CMTM1: variants seen among roughly 807,000 people sequenced by gnomAD.
CMTM1 encodes CKLF like MARVEL transmembrane domain containing 1.
CMTM1 carries 16 observed loss-of-function variants against 17.8 expected under a neutral mutation model. The observed-to-expected ratio is 0.90, with a 90% CI of 0.61 to 1.37. CMTM1 has a LOEUF of 1.37. Among genes scored for constraint, CMTM1 ranks in the 40% most tolerant of loss-of-function variants. The pLI is 0.00. For missense variants in CMTM1, 354 were observed against 375.6 expected (o/e 0.94, Z 0.47); for synonymous variants, 169 against 154.6 (o/e 1.09, Z -0.69).
At position 66,577,301 on chromosome 16, in the gene CMTM1, C is replaced by G. The variant is rs1597181673; in HGVS notation, c.690+99C>G. On this transcript the variant is annotated intron_variant, in intron 3 of 3. Coordinates refer to ENST00000379500, the MANE Select transcript of CMTM1 (RefSeq NM_052999.4). ...ATTATATCATTAACCAAGCAAAATC[C>G]CCACTGCCACCCACTCTCCTTCTTG... The G allele has an allele frequency of 3.8e-6, 3 of 793,138 alleles. No homozygotes were observed. In the East Asian group the frequency reaches 8.0e-5, roughly 21 times the overall value. The allele number at this position is 793,138 out of a possible 1,614,324, so 49.1% of individuals were successfully genotyped here.
intron 2 of CMTM1, among the ~76,000 whole-genome samples, chr16:66,573,564 AAAAC>A (rs558267537): frequency 2.6e-5 from 4 of 152,204 alleles, no homozygotes; most frequent in Admixed American, 6.5e-5. Flanking sequence ...ATTTTAAACT[AAAAC>A]AAAAAATGAA....
chr16:66,569,324 G>A (rs570019380), intron 1 of CMTM1, among the ~76,000 whole-genome samples: 333 of 152,302 alleles, frequency 2.2e-3, no homozygotes, highest in Admixed American at 3.8e-3. Flanking sequence ...ACAAACATGG[G>A]AGACATAAAC....
Position 66,577,207 on chromosome 16 carries a change from G to A in CMTM1, c.690+5G>A. On this transcript the variant is annotated splice_donor_5th_base_variant and intron_variant, in intron 3 of 3. Coordinates refer to ENST00000379500, the MANE Select transcript of CMTM1 (RefSeq NM_052999.4). ...CATTTACTCTATGTCGGGGGGGTAA[G>A]TAGAGGCCTTCATGACTCCATTTAA... 1 of 1,609,754 alleles carries A rather than the reference G, an allele frequency of 6.2e-7. No homozygotes were observed.
chr16:66,577,757 C>G (rs2014425115), intron 3 of CMTM1, among the ~76,000 whole-genome samples: 1 of 152,190 alleles, frequency 6.6e-6, no homozygotes, highest in Non-Finnish European at 1.5e-5. Flanking sequence ...AAATACCTTG[C>G]TCTGGGCCAC....
intron 1 of CMTM1, chr16:66,567,340 T>TG (rs2012699082): frequency 3.1e-6 from 1 of 322,200 alleles, no homozygotes; most frequent in African/African-American, 2.2e-5. Flanking sequence ...CAGTGTGTGA[T>TG]GTTCCCCTCC....
rs1166560704 is a variant in CMTM1, at chr16:66,577,172, G to A, written c.660G>A (p.Lys220=). The change falls in exon 3 of 4, where the codon AAG becomes AAA. Residue 220 remains lysine (K), a synonymous_variant. Transcript: ENST00000379500. ...TTGCCATCTTGGCCATGCAAGAAAAGAAAAGAAGGCATTTACTCTATGTCG... is the reference window on the plus strand; with the variant it reads ...TTGCCATCTTGGCCATGCAAGAAAAAAAAAGAAGGCATTTACTCTATGTCG... ...SVVAILAMQE[K]KRRHLLYVGG... 1.9e-6 allele frequency: 3 copies of A among 1,613,930 alleles called. No individual in the cohort carries two copies. The South Asian group carries it at 3.3e-5, about 18-fold the overall frequency.
chr16:66,577,066 GT>G, intron 2 of CMTM1, 37 bp from the exon 3 acceptor site: 1 of 1,561,550 alleles, frequency 6.4e-7, no homozygotes, highest in Non-Finnish European at 8.8e-7. Flanking sequence ...AAATTATATT[GT>G]TGTGTAAACT....
chr16:66,566,988 G>A lies in CMTM1; in HGVS notation c.432+43G>A, dbSNP rs181552082. ...GAGACCTAGCTGGGCGGATGTGGCC[G>A]GCAGTGGCCTCGGGGAAATGCCCAC... On this transcript the variant is annotated intron_variant, in intron 1 of 3. Transcript: ENST00000379500. The surrounding 1 kb of genome is among the most constrained non-coding windows in gnomAD (Gnocchi z 4.9). The A allele has an allele frequency of 3.9e-5, 63 of 1,605,504 alleles. No individual in the cohort carries two copies. The highest frequency in any genetic ancestry group is 4.9e-5 in the Non-Finnish European group (57 of 1,172,948).
chr16:66,578,108 A>G (rs1379816895), intron 3 of CMTM1, among the ~76,000 whole-genome samples: 2 of 152,162 alleles, frequency 1.3e-5, no homozygotes, highest in East Asian at 3.9e-4. Context: ...AGAGTCCCGG[A>G]GTGCACAGGG....
At chr16:66,567,027 C>A in intron 1 of CMTM1, 82 bp downstream of exon 1, 1 of 1,422,902 alleles carries the variant, frequency 7.0e-7, no homozygotes. Flanking sequence ...GTGCCAGCTC[C>A]AGAAACCTTC....
chr16:66,577,308 C>T lies in CMTM1; in HGVS notation c.690+106C>T, dbSNP rs570217306. On this transcript the variant is annotated intron_variant, in intron 3 of 3. Coordinates refer to ENST00000379500, the MANE Select transcript of CMTM1 (RefSeq NM_052999.4). ...CATTAACCAAGCAAAATCCCCACTG[C>T]CACCCACTCTCCTTCTTGCACTGAC... is the stretch of plus-strand genomic sequence containing the variant. The T allele has an allele frequency of 4.2e-5, 33 of 789,308 alleles. No homozygotes were observed. The South Asian group carries it at 5.3e-4, about 13-fold the overall frequency. The allele number at this position is 789,308 out of a possible 1,614,324, so 48.9% of individuals were successfully genotyped here. A position where few individuals can be genotyped will look rare whatever the true frequency, so the allele number is the denominator to read the frequency against.
chr16:66,567,234 C>T (rs1438025556), intron 1 of CMTM1: 2 of 492,316 alleles, frequency 4.1e-6, no homozygotes, highest in Non-Finnish European at 7.3e-6. Flanking sequence ...GGTATATACG[C>T]GCCATGGTGG....
At position 66,566,919 on chromosome 16, in the gene CMTM1, A is replaced by G; in HGVS notation, c.406A>G (p.Thr136Ala). 3.1e-6 allele frequency: 5 copies of G among 1,614,172 alleles called. No individual in the cohort carries two copies. The highest frequency in any genetic ancestry group is 4.2e-6 in the Non-Finnish European group (5 of 1,180,036). ...DSLKRFSFSP[T>A]GMLKILRLSL... ...CCTCAAACGTTTCTCCTTCTCGCCCACTGGAATGTTGAAGATCCTGAGACT... is the reference window on the plus strand; with the variant it reads ...CCTCAAACGTTTCTCCTTCTCGCCCGCTGGAATGTTGAAGATCCTGAGACT... Residue 136 changes from threonine (T) to alanine (A), a missense_variant, in exon 1 of 4, where the codon ACT becomes GCT. Transcript: ENST00000379500. The surrounding 1 kb of genome is among the most constrained non-coding windows in gnomAD (Gnocchi z 4.9).
In CMTM1 at chr16:66,579,115, GGCT is replaced by G. The variant is rs750046089; in HGVS notation, c.*121_*123del. ...AGCCTAAATGTGACCATAAAATTAG[GGCT>G]GCTGCTTTTATCGAGAACACCTGCT... On this transcript the variant is annotated 3_prime_UTR_variant, in exon 4 of 4. Transcript: ENST00000379500. This position sits in a 1 kb window ranked among gnomAD's most constrained non-coding sequence, Gnocchi z 6.5. 14 of 1,380,174 alleles carry G rather than the reference GGCT, an allele frequency of 1.0e-5. No homozygotes were observed. Among genetic ancestry groups the G allele is most frequent in the Admixed American group, 2.6e-5 (1 of 38,558 alleles). 85.5% of individuals were successfully genotyped at this position (1,380,174 alleles called of 1,614,324 possible). A position where few individuals can be genotyped will look rare whatever the true frequency, so the allele number is the denominator to read the frequency against.
chr16:66,570,101 G>A lies in CMTM1; in HGVS notation c.591+7G>A, dbSNP rs894614741. The stretch of plus-strand genomic sequence containing the variant: ...TTTACATTGGCCCTTACTTGTAAGT[G>A]TTCATTTTTACAATTCTTCAAATCC... On this transcript the variant is annotated splice_region_variant and intron_variant, in intron 2 of 3. Coordinates refer to ENST00000379500, the MANE Select transcript of CMTM1 (RefSeq NM_052999.4). 12 of 1,578,816 alleles carry A rather than the reference G, an allele frequency of 7.6e-6. No homozygotes were observed. Among genetic ancestry groups the A allele is most frequent in the Non-Finnish European group, 9.4e-6 (11 of 1,165,748 alleles).
At chr16:66,573,743 G>A (rs938760612) in intron 2 of CMTM1, among the ~76,000 whole-genome samples, 2 of 148,204 alleles carry the variant, frequency 1.3e-5, no homozygotes, top group Admixed American at 1.4e-4. Flanking sequence ...CTGGAATGCG[G>A]TGGCACGATC....
chr16:66,578,753 G>C (rs973583915), intron 3 of CMTM1, 78 bp from the exon 4 acceptor site: 74 of 1,565,468 alleles, frequency 4.7e-5, no homozygotes, highest in South Asian at 1.4e-4. Context: ...CCCTGGATAG[G>C]GATAGGTTCG....
chr16:66,574,498 G>A (rs904334145), intron 2 of CMTM1, among the ~76,000 whole-genome samples: 4 of 152,220 alleles, frequency 2.6e-5, no homozygotes, highest in African/African-American at 9.6e-5. Context: ...AGAATCAAAT[G>A]AGATCACATA....
chr16:66,573,730 A>G (rs1597170440), intron 2 of CMTM1, among the ~76,000 whole-genome samples: 1 of 127,132 alleles, frequency 7.9e-6, no homozygotes, highest in Non-Finnish European at 1.6e-5. Context: ...TGTGTTGCCC[A>G]GGCTGGAATG....
Sources: gnomAD v4.1 joint callset for allele counts (sites outside exome capture counted in the v4.1 genomes callset) on GRCh38, gnomAD v4.1.1 for gene constraint, Gnocchi (gnomAD v3.1) non-coding constraint, MANE v1.5 for transcripts, NCBI Gene and HGNC (gene_info 2026-07-23, HGNC 2026-07-21) for gene names.